Variants in LTBP1 observed in about 807,000 individuals in gnomAD.
The protein encoded by LTBP1 is latent-transforming growth factor beta-binding protein 1.
LTBP1 carries 129 observed loss-of-function variants against 207.6 expected under a neutral mutation model. The observed-to-expected ratio is 0.62, with a 90% CI of 0.54 to 0.72. The LOEUF (loss-of-function observed/expected upper bound fraction) is 0.72. Ranked by LOEUF, LTBP1 falls within the 30% of genes least tolerant of loss-of-function variation. LTBP1 has a pLI of 0.00. For missense variants in LTBP1, 2,281 were observed against 2,217.2 expected, an observed-to-expected ratio of 1.03 and a Z score of -0.58; for synonymous variants, 963 against 833.7, an observed-to-expected ratio of 1.16 and a Z score of -2.67.
chr2:33,264,559 A>G (rs2093121133), intron 15 of LTBP1, among the ~76,000 whole-genome samples: 1 of 152,238 alleles, frequency 6.6e-6, no homozygotes, highest in South Asian at 2.1e-4. Flanking sequence ...AATACTAACA[A>G]TAGAGAAATG....
At chr2:33,152,221 GA>G (rs1003973303) in intron 5 of LTBP1, among the ~76,000 whole-genome samples, 3 of 151,876 alleles carry the variant, frequency 2.0e-5, no homozygotes, top group African/African-American at 7.3e-5. Context: ...AAAGCAGTAA[GA>G]AAAAAACAAA....
At chr2:33,098,008 A>G (rs532267926) in intron 3 of LTBP1, among the ~76,000 whole-genome samples, 52 of 152,230 alleles carry the variant, frequency 3.4e-4, no homozygotes, top group African/African-American at 1.2e-3. Flanking sequence ...TCAGTTTTTG[A>G]TTTAACTTTT....
At chr2:33,182,670 AAAG>A (rs533071382) in intron 5 of LTBP1, among the ~76,000 whole-genome samples, 12 of 98,850 alleles carry the variant, frequency 1.2e-4, no homozygotes, top group South Asian at 8.1e-4. Context: ...TCAAAAAAAA[AAAG>A]AAGAAAAGAT....
intron 3 of LTBP1, among the ~76,000 whole-genome samples, chr2:33,022,443 C>T (rs1191437762): frequency 2.0e-5 from 3 of 152,136 alleles, no homozygotes; most frequent in African/African-American, 7.2e-5. Flanking sequence ...ATAGCTAATA[C>T]TTAGTAAGGG....
chr2:33,028,450 A>G (rs1309707953), intron 3 of LTBP1, among the ~76,000 whole-genome samples: 2 of 152,252 alleles, frequency 1.3e-5, no homozygotes, highest in East Asian at 3.9e-4. Context: ...TGGGCAGATC[A>G]TGAGGTCAGG....
chr2:33,307,085 C>CAAA, intron 22 of LTBP1, among the ~76,000 whole-genome samples: 1 of 151,716 alleles, frequency 6.6e-6, no homozygotes, highest in South Asian at 2.1e-4. Flanking sequence ...GACTCCATCT[C>CAAA]AAAAACAAAA....
At chr2:33,058,099 G>A (rs769168249) in intron 3 of LTBP1, among the ~76,000 whole-genome samples, 1 of 152,184 alleles carries the variant, frequency 6.6e-6, no homozygotes, top group Non-Finnish European at 1.5e-5. Flanking sequence ...GATAAACTGG[G>A]ACTTCTCAAT....
intron 2 of LTBP1, among the ~76,000 whole-genome samples, chr2:32,971,230 G>A (rs1358336118): frequency 6.6e-6 from 1 of 152,008 alleles, no homozygotes; most frequent in Non-Finnish European, 1.5e-5. Context: ...AAATCATATT[G>A]TCTGCAAATA....
At chr2:33,171,924 G>A (rs1318024041) in intron 5 of LTBP1, among the ~76,000 whole-genome samples, 2 of 152,176 alleles carry the variant, frequency 1.3e-5, no homozygotes, top group South Asian at 4.1e-4. Context: ...GGAAGTGAAG[G>A]AGAAATAAAA....
intron 22 of LTBP1, among the ~76,000 whole-genome samples, chr2:33,305,192 C>T (rs920344207): frequency 3.3e-5 from 5 of 151,984 alleles, no homozygotes; most frequent in African/African-American, 7.2e-5. Context: ...GGTGTGGCGG[C>T]GTGTGCCTGT....
chr2:33,156,452 G>A (rs2083981604), intron 5 of LTBP1, among the ~76,000 whole-genome samples: 1 of 152,160 alleles, frequency 6.6e-6, no homozygotes, highest in Non-Finnish European at 1.5e-5. Context: ...CTGAATCTTG[G>A]GTCTTGGTCT....
chr2:32,960,665 C>G (rs1264974817), intron 2 of LTBP1, among the ~76,000 whole-genome samples: 1 of 152,098 alleles, frequency 6.6e-6, no homozygotes, highest in Non-Finnish European at 1.5e-5. Flanking sequence ...GGGTCACAGG[C>G]TAGAGAGTGA....
At chr2:33,017,799 G>A (rs1185362476) in intron 2 of LTBP1, among the ~76,000 whole-genome samples, 2 of 152,130 alleles carry the variant, frequency 1.3e-5, no homozygotes, top group Non-Finnish European at 1.5e-5. Flanking sequence ...TGTATTTTTA[G>A]TAGAGACGGG....
intron 20 of LTBP1, among the ~76,000 whole-genome samples, chr2:33,297,733 C>G (rs2093907741): frequency 6.6e-6 from 1 of 151,276 alleles, no homozygotes; most frequent in Non-Finnish European, 1.5e-5. Flanking sequence ...CCTGCCTTTT[C>G]AAAACAAAAC....
intron 31 of LTBP1, among the ~76,000 whole-genome samples, chr2:33,369,245 A>C (rs1434756757): frequency 6.6e-6 from 1 of 152,218 alleles, no homozygotes; most frequent in South Asian, 2.1e-4. Flanking sequence ...TAGTTTGTAT[A>C]TCCACAGTTA....
rs771186485 is a variant in LTBP1, at chr2:33,398,773, T to C, written c.*228T>C. Reference sequence around the variant, plus strand: ...AACCAGTATATATAGTCTGTTCATATGTAAAATTCAATGGAAGAGAGGTGG... The same window carrying C: ...AACCAGTATATATAGTCTGTTCATACGTAAAATTCAATGGAAGAGAGGTGG... On this transcript the variant is annotated 3_prime_UTR_variant, in exon 34 of 34. Transcript: ENST00000404816. The C allele has an allele frequency of 7.6e-5, 26 of 343,452 alleles. No homozygotes were observed. The highest frequency in any genetic ancestry group is 1.2e-4 in the Non-Finnish European group (23 of 190,696). 21.3% of individuals were successfully genotyped at this position (343,452 alleles called of 1,614,324 possible). A position where few individuals can be genotyped will look rare whatever the true frequency, so the allele number is the denominator to read the frequency against.
chr2:33,379,418 C>G (rs1200152077), intron 31 of LTBP1, among the ~76,000 whole-genome samples: 1 of 152,038 alleles, frequency 6.6e-6, no homozygotes, highest in Non-Finnish European at 1.5e-5. Flanking sequence ...ACCTTGTTAG[C>G]CAGGATGGTC....
intron 5 of LTBP1, among the ~76,000 whole-genome samples, chr2:33,185,198 T>A (rs1484947351): frequency 6.6e-6 from 1 of 152,120 alleles, no homozygotes. Context: ...GATTGCTAAG[T>A]GTGATGAGAT....
chr2:33,053,295 A>G lies in LTBP1; in HGVS notation c.863+32089A>G, dbSNP rs185599419. Among the ~76,000 whole-genome samples the G allele has an allele frequency of 8.5e-5, 13 of 152,270 alleles. No individual in the cohort carries two copies. In the East Asian group the frequency reaches 2.5e-3, roughly 29 times the overall value. On this transcript the variant is annotated intron_variant, in intron 3 of 33. Transcript: ENST00000404816. ...CCGTCCCATAGGCATAGCTTCTCCC[A>G]TTGTCAACATCTACCAGAGTGGTAC...
Sources: gnomAD v4.1 joint callset for allele counts (sites outside exome capture counted in the v4.1 genomes callset) on GRCh38, gnomAD v4.1.1 for gene constraint, MANE v1.5 for transcripts, NCBI Gene and HGNC (gene_info 2026-07-23, HGNC 2026-07-21) for gene names.